SBF2: variants seen among roughly 807,000 people sequenced by gnomAD.
The protein encoded by SBF2 is SET binding factor 2.
Under a neutral mutation model 225.2 loss-of-function variants are expected in SBF2, and 112 were observed. That is an observed-to-expected ratio of 0.50 (90% CI 0.43 to 0.58). The LOEUF is 0.58. Ranked by LOEUF, SBF2 falls within the 20% of genes least tolerant of loss-of-function variation. The probability of loss-of-function intolerance (pLI) is 0.00; values close to 1 mark genes in which losing one functional copy is unlikely to be tolerated. For missense variants in SBF2, 1,996 were observed against 2,206.2 expected (o/e 0.90, Z 1.91); for synonymous variants, 763 against 773.3 (o/e 0.99, Z 0.22).
chr11:9,798,207 TG>T (rs752829007), intron 32 of SBF2, among the ~76,000 whole-genome samples: 1 of 152,186 alleles, frequency 6.6e-6, no homozygotes, highest in Non-Finnish European at 1.5e-5. Context: ...AAGAAGGCCC[TG>T]GGTTTGACTC....
intron 39 of SBF2, 40 bp downstream of exon 39, chr11:9,781,451 GACAGACAGAATGATGT>G (rs1852000449): frequency 2.0e-5 from 33 of 1,610,424 alleles, no homozygotes; most frequent in Non-Finnish European, 2.7e-5. Flanking sequence ...CATTCTTGGA[GACAGACAGAATGATGT>G]GCAGACAGAG....
chr11:10,065,093 T>C (rs1950582228), intron 2 of SBF2, among the ~76,000 whole-genome samples: 1 of 152,010 alleles, frequency 6.6e-6, no homozygotes, highest in South Asian at 2.1e-4. Flanking sequence ...TCAAAGGGAA[T>C]TAAATTAGAA....
chr11:10,289,051 G>A lies in SBF2; in HGVS notation c.55+4964C>T, dbSNP rs146476658. Reference sequence around the variant, plus strand: ...CAAACCTCCCTCAAACCCCTCCCACGGTGCTTGTCAGGGCCCAAAGTCCAG... The same window carrying A: ...CAAACCTCCCTCAAACCCCTCCCACAGTGCTTGTCAGGGCCCAAAGTCCAG... On this transcript the variant is annotated intron_variant, in intron 1 of 39. Coordinates refer to ENST00000256190, the MANE Select transcript of SBF2 (RefSeq NM_030962.4). Among the ~76,000 whole-genome samples, 130 of 152,328 alleles carry A rather than the reference G, an allele frequency of 8.5e-4. 3 individuals are homozygous for A. In the East Asian group the frequency reaches 0.023, roughly 27 times the overall value.
intron 16 of SBF2, among the ~76,000 whole-genome samples, chr11:9,946,470 G>A (rs1171022114): frequency 1.5e-5 from 2 of 131,426 alleles, no homozygotes; most frequent in African/African-American, 2.7e-5. Context: ...TTTTTTTTGA[G>A]ATGGAGTTTC....
At chr11:10,060,572 C>A (rs995302740) in intron 2 of SBF2, among the ~76,000 whole-genome samples, 1 of 152,126 alleles carries the variant, frequency 6.6e-6, no homozygotes, top group African/African-American at 2.4e-5. Context: ...GGCAGAGACA[C>A]AACAGAGAAA....
intron 28 of SBF2, chr11:9,819,381 A>G (rs1364737018): frequency 2.0e-5 from 3 of 152,230 alleles, no homozygotes; most frequent in Non-Finnish European, 4.4e-5. Flanking sequence ...GAGTAAGAGA[A>G]GAATAGGCTA....
At chr11:10,200,703 TTTAG>T (rs1231201289) in intron 1 of SBF2, among the ~76,000 whole-genome samples, 5 of 152,198 alleles carry the variant, frequency 3.3e-5, no homozygotes, top group Non-Finnish European at 1.5e-5. Flanking sequence ...ACTTACTTTT[TTTAG>T]TTACAGATAT....
intron 16 of SBF2, among the ~76,000 whole-genome samples, chr11:9,928,506 T>C (rs1321172080): frequency 2.0e-5 from 3 of 152,218 alleles, no homozygotes; most frequent in Non-Finnish European, 4.4e-5. Context: ...GGTGGGAATG[T>C]AAAATGATAG....
intron 32 of SBF2, among the ~76,000 whole-genome samples, chr11:9,799,458 A>T (rs1311166114): frequency 6.6e-6 from 1 of 152,214 alleles, no homozygotes; most frequent in African/African-American, 2.4e-5. Context: ...ACCTCCCCCA[A>T]ACTGGGGTTA....
chr11:9,803,410 C>T lies in SBF2; in HGVS notation c.4443+4590G>A, dbSNP rs1352748054. ...TGTATGTTAAATTGCTTTAATCATA[C>T]CACTTAAGGGGTACTCACAGAATAC... On this transcript the variant is annotated intron_variant, in intron 32 of 39. Coordinates refer to ENST00000256190, the MANE Select transcript of SBF2 (RefSeq NM_030962.4). 3.3e-5 allele frequency among the ~76,000 whole-genome samples: 5 copies of T among 152,218 alleles called. No individual in the cohort carries two copies. In the East Asian group the frequency reaches 9.6e-4, roughly 29 times the overall value.
intron 2 of SBF2, among the ~76,000 whole-genome samples, chr11:10,051,717 GAC>G (rs1950071175): frequency 6.6e-6 from 1 of 151,886 alleles, no homozygotes; most frequent in African/African-American, 2.4e-5. Flanking sequence ...CAGTAACATA[GAC>G]ATAGTCTATG....
chr11:10,302,814 C>T (rs1964610210), intron 1 of SBF2: 1 of 152,954 alleles, frequency 6.5e-6, no homozygotes, highest in South Asian at 2.1e-4. Context: ...GAACGAACAC[C>T]CCCGCCGCGC....
rs1307988147 is a variant in SBF2, at chr11:9,888,240, A to G, written c.1929+7703T>C. 3.9e-5 allele frequency among the ~76,000 whole-genome samples: 6 copies of G among 152,200 alleles called. No individual in the cohort carries two copies. The South Asian group carries it at 6.2e-4, about 16-fold the overall frequency. ...TGGCCAGGCATGGTGGTTCATACCT[A>G]TAACTCCAACACTTGGGGAAGCCAA... On this transcript the variant is annotated intron_variant, in intron 17 of 39. Coordinates refer to ENST00000256190, the MANE Select transcript of SBF2 (RefSeq NM_030962.4).
intron 6 of SBF2, among the ~76,000 whole-genome samples, chr11:10,017,358 A>C (rs928011511): frequency 1.9e-4 from 29 of 152,232 alleles, no homozygotes; most frequent in African/African-American, 6.5e-4. Flanking sequence ...AATTTATTAT[A>C]GTTCTTTCTG....
rs184270250 is a variant in SBF2 at position 10,286,195 on chromosome 11, C to T, written c.55+7820G>A. Among the ~76,000 whole-genome samples the T allele has an allele frequency of 1.9e-3, 283 of 150,618 alleles. 1 individual carries two copies. Among genetic ancestry groups the T allele is most frequent in the African/African-American group, 6.4e-3 (263 of 41,114 alleles). On this transcript the variant is annotated intron_variant, in intron 1 of 39. Coordinates refer to ENST00000256190, the MANE Select transcript of SBF2 (RefSeq NM_030962.4). ...ACACACACACACACACACACACACACGGTAACTATGTGAAGTGATGGATAT... is the reference window on the plus strand; with the variant it reads ...ACACACACACACACACACACACACATGGTAACTATGTGAAGTGATGGATAT...
intron 1 of SBF2, among the ~76,000 whole-genome samples, chr11:10,235,667 A>C (rs1959042276): frequency 6.6e-6 from 1 of 152,242 alleles, no homozygotes; most frequent in Admixed American, 6.5e-5. Flanking sequence ...TCTATAGTTC[A>C]TATTGTAATT....
At chr11:10,106,643 A>AAAC (rs1952569615) in intron 2 of SBF2, among the ~76,000 whole-genome samples, 1 of 151,468 alleles carries the variant, frequency 6.6e-6, no homozygotes, top group Admixed American at 6.6e-5. Context: ...AAAAAAAAAA[A>AAAC]AAAAAACCCA....
chr11:10,077,583 T>G (rs190214390), intron 2 of SBF2, among the ~76,000 whole-genome samples: 1 of 152,222 alleles, frequency 6.6e-6, no homozygotes. Context: ...TGGCAAGCCA[T>G]ATGCAGAAAG....
At chr11:9,932,773 C>T (rs1423771438) in intron 16 of SBF2, among the ~76,000 whole-genome samples, 2 of 151,962 alleles carry the variant, frequency 1.3e-5, no homozygotes, top group African/African-American at 2.4e-5. Flanking sequence ...CAAATTCACA[C>T]ATAACAATAT....
Sources: allele counts gnomAD v4.1 joint callset (sites outside exome capture counted in the v4.1 genomes callset), GRCh38; gene constraint gnomAD v4.1.1; transcripts MANE v1.5; gene names NCBI Gene and HGNC (gene_info 2026-07-23, HGNC 2026-07-21).